POU3F3: variants seen among roughly 807,000 people sequenced by gnomAD.
POU3F3 encodes the protein POU domain, class 3, transcription factor 3.
Under a neutral mutation model 8.6 loss-of-function variants are expected in POU3F3, and 1 was observed. The ratio of observed to expected loss-of-function variants is 0.12; its 90% CI spans 0.04 to 0.55. The LOEUF is 0.55. Among genes scored for constraint, POU3F3 ranks in the 20% least tolerant of loss-of-function variants. The pLI is 0.91. For synonymous variants in POU3F3, 418 were observed against 327.4 expected, an observed-to-expected ratio of 1.28 and a Z score of -2.99; for missense variants, 577 against 690.7, an observed-to-expected ratio of 0.84 and a Z score of 1.84.
chr2:104,897,004 C>T, the POU3F3 span, among the ~76,000 whole-genome samples: 2 of 152,150 alleles, frequency 1.3e-5, no homozygotes, highest in Non-Finnish European at 2.9e-5. Context: ...CCTTTGAGTC[C>T]TTGTCCTAAA....
chr2:104,906,881 A>G, the POU3F3 span, among the ~76,000 whole-genome samples: 1 of 152,116 alleles, frequency 6.6e-6, no homozygotes, highest in African/African-American at 2.4e-5. Context: ...ACGTCTATGC[A>G]TGTTTCCCTG....
Position 104,855,339 on chromosome 2 carries a change from GAGGCGGCGA to G in POU3F3, c.-163_-155del, listed in dbSNP as rs1256286214. ...GGGGGCGGAGGCGGCGGCGGAGGAG[GAGGCGGCGA>G]AGGCGGCGGGGCCGGCGGGGGCCCG... On this transcript the variant is annotated 5_prime_UTR_variant, in exon 1 of 1. Coordinates refer to ENST00000361360, the MANE Select transcript of POU3F3 (RefSeq NM_006236.3). 7.0e-6 allele frequency among the ~76,000 whole-genome samples: 1 copy of G among 142,844 alleles called. No homozygotes were observed. 93.7% of individuals were successfully genotyped at this position (142,844 alleles called of 152,430 possible). A position where few individuals can be genotyped will look rare whatever the true frequency, so the allele number is the denominator to read the frequency against.
At chr2:104,912,796 C>T in the POU3F3 span, among the ~76,000 whole-genome samples, 4 of 152,102 alleles carry the variant, frequency 2.6e-5, no homozygotes, top group Non-Finnish European at 1.5e-5. Context: ...TGTGACCCCA[C>T]GGGATGAGGA....
At chr2:104,893,914 C>T in the POU3F3 span, among the ~76,000 whole-genome samples, 37 of 150,626 alleles carry the variant, frequency 2.5e-4, 1 homozygote, top group Admixed American at 1.8e-3. Flanking sequence ...AGATGCAGTG[C>T]GCGCCAAGGG....
At chr2:104,902,768 G>GA in the POU3F3 span, among the ~76,000 whole-genome samples, 2 of 152,066 alleles carry the variant, frequency 1.3e-5, no homozygotes, top group Non-Finnish European at 1.5e-5. Context: ...ATAAAAGGGA[G>GA]AAAAAATAAT....
At chr2:104,880,836 CAGGGATGGGTT>C in the POU3F3 span, among the ~76,000 whole-genome samples, 1 of 152,050 alleles carries the variant, frequency 6.6e-6, no homozygotes, top group Non-Finnish European at 1.5e-5. Flanking sequence ...TTATCCGGGG[CAGGGATGGGTT>C]AGGAATGGTG....
Position 104,855,215 on chromosome 2 carries a change from T to G in POU3F3, c.-296T>G, listed in dbSNP as rs1381006353. On this transcript the variant is annotated 5_prime_UTR_variant, in exon 1 of 1. Coordinates refer to ENST00000361360, the MANE Select transcript of POU3F3 (RefSeq NM_006236.3). ...CTCCCCAGAGCGCTGCTCCTGCGGC[T>G]GCTGCTGCTGCTGGTGACCAAGGCC... 8.6e-5 allele frequency among the ~76,000 whole-genome samples: 13 copies of G among 150,866 alleles called. No individual in the cohort carries two copies. The East Asian group carries it at 2.4e-3, about 28-fold the overall frequency.
the POU3F3 span, among the ~76,000 whole-genome samples, chr2:104,920,516 C>T: frequency 2.0e-5 from 3 of 152,076 alleles, no homozygotes; most frequent in Non-Finnish European, 4.4e-5. Context: ...TAAATTGACC[C>T]GACCAATTTT....
Position 104,855,987 on chromosome 2 carries a change from C to T in POU3F3, c.477C>T (p.His159=), listed in dbSNP as rs1676556685. ...GCGGCGCCGGGCGCGACGACCTGCA[C>T]GCGGGCACAGCGCTGCACCACCGCG... is the stretch of plus-strand genomic sequence containing the variant. ...VKGGAGRDDL[H]AGTALHHRGP... The change falls in exon 1 of 1, where the codon CAC becomes CAT. Residue 159 remains histidine (H), a synonymous_variant. Transcript: ENST00000361360. 1 of 1,032,094 alleles carries T rather than the reference C, an allele frequency of 9.7e-7. No homozygotes were observed. The highest frequency in any genetic ancestry group is 1.2e-6 in the Non-Finnish European group (1 of 861,702). The allele number at this position is 1,032,094 out of a possible 1,614,324, so 63.9% of individuals were successfully genotyped here.
the POU3F3 span, among the ~76,000 whole-genome samples, chr2:104,881,659 G>T: frequency 6.6e-6 from 1 of 152,164 alleles, no homozygotes; most frequent in Admixed American, 6.5e-5. Flanking sequence ...AGACATAGGT[G>T]TATCTATAAA....
chr2:104,917,656 T>A, the POU3F3 span, among the ~76,000 whole-genome samples: 1 of 152,140 alleles, frequency 6.6e-6, no homozygotes, highest in Non-Finnish European at 1.5e-5. Context: ...GGAAGGTCAG[T>A]GTCTTCATGA....
chr2:104,872,974 C>G, the POU3F3 span, among the ~76,000 whole-genome samples: 2 of 152,132 alleles, frequency 1.3e-5, no homozygotes. This position sits in a 1 kb window ranked among gnomAD's most constrained non-coding sequence, Gnocchi z 4.6. Context: ...CATCTGACGC[C>G]CTAGGGTCCC....
chr2:104,891,234 A>G, the POU3F3 span, among the ~76,000 whole-genome samples: 1 of 152,132 alleles, frequency 6.6e-6, no homozygotes, highest in Non-Finnish European at 1.5e-5. Flanking sequence ...TTACCCATAT[A>G]TATTAGCCTT....
chr2:104,858,820 C>T (rs78837846), downstream of POU3F3, among the ~76,000 whole-genome samples: 34 of 152,268 alleles, frequency 2.2e-4, no homozygotes, highest in East Asian at 6.6e-3. Flanking sequence ...TAGTGGATGT[C>T]TTTAGTGTTT....
At chr2:104,889,332 C>A in the POU3F3 span, among the ~76,000 whole-genome samples, 40 of 152,238 alleles carry the variant, frequency 2.6e-4, 1 homozygote, top group South Asian at 8.1e-3. Context: ...AAGCCAAGGT[C>A]CTGCTAGTGC....
the POU3F3 span, among the ~76,000 whole-genome samples, chr2:104,916,036 C>A: frequency 6.6e-6 from 1 of 151,356 alleles, no homozygotes; most frequent in Non-Finnish European, 1.5e-5. Context: ...ATAAAACCAT[C>A]GGTGCCCTCA....
the POU3F3 span, among the ~76,000 whole-genome samples, chr2:104,914,966 C>G: frequency 6.6e-6 from 1 of 152,140 alleles, no homozygotes; most frequent in African/African-American, 2.4e-5. Flanking sequence ...TCTGTGGAGC[C>G]CTGAAGGCCT....
At chr2:104,922,615 T>G in the POU3F3 span, among the ~76,000 whole-genome samples, 1 of 152,022 alleles carries the variant, frequency 6.6e-6, no homozygotes, top group South Asian at 2.1e-4. Flanking sequence ...TTATTGAGCT[T>G]TAAAAACACA....
At chr2:104,884,319 T>G in the POU3F3 span, among the ~76,000 whole-genome samples, 2 of 152,060 alleles carry the variant, frequency 1.3e-5, no homozygotes, top group South Asian at 4.2e-4. Context: ...TCTGGTCAAG[T>G]GTAGGATGAG....
Sources: allele counts gnomAD v4.1 joint callset (sites outside exome capture counted in the v4.1 genomes callset), GRCh38; gene constraint gnomAD v4.1.1; non-coding constraint Gnocchi (gnomAD v3.1); transcripts MANE v1.5; gene names NCBI Gene and HGNC (gene_info 2026-07-23, HGNC 2026-07-21).